The following REEP1 variants were observed in gnomAD, a reference collection of about 807,000 sequenced individuals.
The protein encoded by REEP1 is receptor accessory protein 1.
REEP1 carries 22 observed loss-of-function variants against 40.3 expected under a neutral mutation model. That is an observed-to-expected ratio of 0.55 (90% CI 0.39 to 0.78). The LOEUF (loss-of-function observed/expected upper bound fraction) is 0.78. Among genes scored for constraint, REEP1 ranks in the 30% least tolerant of loss-of-function variants. REEP1 has a pLI of 0.00. For missense variants in REEP1, 280 were observed against 361.1 expected (o/e 0.78, Z 1.82); for synonymous variants, 116 against 139.2 (o/e 0.83, Z 1.17).
intron 1 of REEP1, among the ~76,000 whole-genome samples, chr2:86,320,923 A>G (rs1680248008): frequency 6.6e-6 from 1 of 152,212 alleles, no homozygotes; most frequent in Non-Finnish European, 1.5e-5. Flanking sequence ...GGTTCAAGCG[A>G]TTCTCCTGCC....
chr2:86,244,993 A>G (rs1200381377), intron 5 of REEP1, among the ~76,000 whole-genome samples: 5 of 152,184 alleles, frequency 3.3e-5, no homozygotes, highest in African/African-American at 1.2e-4. Flanking sequence ...AAACAATACA[A>G]AAACTAGCCA....
In REEP1 at chr2:86,304,945, A is replaced by G. The variant is rs140039930; in HGVS notation, c.33-22703T>C. Among the ~76,000 whole-genome samples the G allele has an allele frequency of 7.6e-3, 1,156 of 152,284 alleles. 23 individuals carry two copies. Among genetic ancestry groups the G allele is most frequent in the African/African-American group, 0.026 (1,064 of 41,554 alleles). On this transcript the variant is annotated intron_variant, in intron 1 of 8. Coordinates refer to ENST00000538924, the MANE Select transcript of REEP1 (RefSeq NM_001371279.1). The stretch of plus-strand genomic sequence containing the variant: ...AGAAGAGAGACGGATGTCTCCAGAG[A>G]GAAGATTGAAACAGACAGAAGCAGA...
At chr2:86,269,759 A>C (rs577647961) in intron 2 of REEP1, among the ~76,000 whole-genome samples, 2 of 152,328 alleles carry the variant, frequency 1.3e-5, no homozygotes, top group South Asian at 4.1e-4. Flanking sequence ...TCCGCTCTGC[A>C]CAGGTAACAT....
At position 86,283,031 on chromosome 2, in the gene REEP1, C is replaced by G. The variant is rs115424589; in HGVS notation, c.33-789G>C. Among the ~76,000 whole-genome samples, 1,061 of 152,246 alleles carry G rather than the reference C, an allele frequency of 7.0e-3. 8 individuals are homozygous for G. Among genetic ancestry groups the G allele is most frequent in the Non-Finnish European group, 1.0e-2 (678 of 68,030 alleles). On this transcript the variant is annotated intron_variant, in intron 1 of 8. Coordinates refer to ENST00000538924, the MANE Select transcript of REEP1 (RefSeq NM_001371279.1). ...TTCCCCCTTCTTTATCTGGTTAATG[C>G]CTGTTCATCCATCATATCCCAGCTC...
intron 5 of REEP1, among the ~76,000 whole-genome samples, chr2:86,238,791 T>C (rs929464508): frequency 6.6e-6 from 1 of 152,098 alleles, no homozygotes; most frequent in Non-Finnish European, 1.5e-5. Context: ...TAGGTGAAGA[T>C]AGAAACCAGG....
At chr2:86,308,285 A>G (rs1400608546) in intron 1 of REEP1, among the ~76,000 whole-genome samples, 1 of 152,230 alleles carries the variant, frequency 6.6e-6, no homozygotes, top group African/African-American at 2.4e-5. Context: ...AGCATATTTG[A>G]TGTGTGAATG....
chr2:86,265,826 G>A (rs181474465), intron 2 of REEP1, among the ~76,000 whole-genome samples: 18 of 152,238 alleles, frequency 1.2e-4, no homozygotes, highest in African/African-American at 3.6e-4. Flanking sequence ...AGAAACTACC[G>A]AATGGGTACA....
intron 1 of REEP1, among the ~76,000 whole-genome samples, chr2:86,312,423 T>G (rs1679805601): frequency 1.3e-5 from 2 of 152,206 alleles, no homozygotes; most frequent in Non-Finnish European, 2.9e-5. Context: ...CTAATCTCAT[T>G]GCCCTGCACT....
intron 2 of REEP1, among the ~76,000 whole-genome samples, chr2:86,272,279 A>C (rs9309635): frequency 0.36 from 54,827 of 152,130 alleles, 11,928 homozygotes; most frequent in East Asian, 0.58. Flanking sequence ...AAACTTCTCC[A>C]GTGAGTCATC....
chr2:86,248,213 T>C (rs1219923116), intron 5 of REEP1, among the ~76,000 whole-genome samples: 1 of 152,196 alleles, frequency 6.6e-6, no homozygotes, highest in Non-Finnish European at 1.5e-5. Context: ...CTTCCAGGAA[T>C]GATCCTAAGG....
At chr2:86,267,376 C>T (rs113997370) in intron 2 of REEP1, among the ~76,000 whole-genome samples, 3,511 of 152,282 alleles carry the variant, frequency 0.023, 135 homozygotes, top group African/African-American at 0.079. Flanking sequence ...TTCCCCTTCA[C>T]GTTCCACCAT....
At chr2:86,300,660 C>T (rs1266244923) in intron 1 of REEP1, among the ~76,000 whole-genome samples, 3 of 152,062 alleles carry the variant, frequency 2.0e-5, no homozygotes, top group East Asian at 1.9e-4. Flanking sequence ...GTCCCAGGGC[C>T]GCATGACTCA....
intron 2 of REEP1, among the ~76,000 whole-genome samples, chr2:86,266,626 A>AAAAAAT (rs1303689080): frequency 2.6e-5 from 4 of 151,644 alleles, no homozygotes; most frequent in Non-Finnish European, 4.4e-5. Flanking sequence ...ACTCCATCTC[A>AAAAAAT]AAAAATAAAA....
chr2:86,320,538 T>C (rs1680231700), intron 1 of REEP1, among the ~76,000 whole-genome samples: 1 of 152,158 alleles, frequency 6.6e-6, no homozygotes, highest in Non-Finnish European at 1.5e-5. Context: ...AAATTGCCCC[T>C]GAAAAATAGT....
At chr2:86,249,222 T>C (rs1263796982) in intron 5 of REEP1, among the ~76,000 whole-genome samples, 1 of 151,040 alleles carries the variant, frequency 6.6e-6, no homozygotes, top group Non-Finnish European at 1.5e-5. Context: ...ATTGTACCAC[T>C]ATACTCCAGC....
intron 1 of REEP1, among the ~76,000 whole-genome samples, chr2:86,332,579 C>A (rs947358778): frequency 6.6e-6 from 1 of 152,096 alleles, no homozygotes; most frequent in Non-Finnish European, 1.5e-5. Context: ...TCCTCCTCCC[C>A]CGACATAATA....
intron 1 of REEP1, among the ~76,000 whole-genome samples, chr2:86,284,034 A>G (rs1402311731): frequency 6.6e-6 from 1 of 152,122 alleles, no homozygotes; most frequent in Non-Finnish European, 1.5e-5. Flanking sequence ...TGAGGGGGAA[A>G]CATTTAAGAG....
At chr2:86,284,441 G>C (rs964474495) in intron 1 of REEP1, among the ~76,000 whole-genome samples, 55 of 152,286 alleles carry the variant, frequency 3.6e-4, no homozygotes, top group African/African-American at 1.2e-3. Context: ...CGTGTTCACT[G>C]TGTGAAGTAT....
intron 1 of REEP1, among the ~76,000 whole-genome samples, chr2:86,315,956 T>C (rs1393447103): frequency 6.6e-6 from 1 of 152,152 alleles, no homozygotes; most frequent in African/African-American, 2.4e-5. Context: ...AGATGCTCTC[T>C]CTCTGGGAGA....
Sources: gnomAD v4.1 joint callset for allele counts (sites outside exome capture counted in the v4.1 genomes callset) on GRCh38, gnomAD v4.1.1 for gene constraint, MANE v1.5 for transcripts, NCBI Gene and HGNC (gene_info 2026-07-23, HGNC 2026-07-21) for gene names.